Variants in AK6 observed in about 807,000 individuals in gnomAD.
AK6 encodes adenylate kinase isoenzyme 6.
Under a neutral mutation model 23.7 loss-of-function variants are expected in AK6, and 24 were observed. The observed-to-expected ratio is 1.01, with a 90% CI of 0.73 to 1.43. The LOEUF (loss-of-function observed/expected upper bound fraction) is 1.43, where lower values mean the gene tolerates loss of function less well. Among genes scored for constraint, AK6 ranks in the 40% most tolerant of loss-of-function variants. The pLI is 0.00. For missense variants in AK6, 191 were observed against 199.1 expected (o/e 0.96, Z 0.24); for synonymous variants, 73 against 69.8 (o/e 1.05, Z -0.23).
At chr5:69,361,206 T>G (rs1172780744) in intron 2 of AK6, among the ~76,000 whole-genome samples, 2 of 151,998 alleles carry the variant, frequency 1.3e-5, no homozygotes. Context: ...CAGGCTAGAG[T>G]GCAGTGGCGC....
At position 69,351,715 on chromosome 5, in the gene AK6, G is replaced by T. The variant is rs1321443423; in HGVS notation, c.*346C>A. 1 of 175,434 alleles carries T rather than the reference G, an allele frequency of 5.7e-6. No homozygotes were observed. Among genetic ancestry groups the T allele is most frequent in the African/African-American group, 2.4e-5 (1 of 42,496 alleles). 10.9% of individuals were successfully genotyped at this position (175,434 alleles called of 1,614,324 possible). A position where few individuals can be genotyped will look rare whatever the true frequency, so the allele number is the denominator to read the frequency against. On this transcript the variant is annotated 3_prime_UTR_variant, in exon 5 of 5. Transcript: ENST00000380822. Reference sequence around the variant, plus strand: ...TTTTCTAATTTAAAGAAAGAAAAAAGGAATACTCTGTTGCTTTATCTTTAG... The same window carrying T: ...TTTTCTAATTTAAAGAAAGAAAAAATGAATACTCTGTTGCTTTATCTTTAG...
rs764749571 is a variant in AK6, at chr5:69,352,072, G to C, written c.508C>G (p.His170Asp). 3 of 1,608,738 alleles carry C rather than the reference G, an allele frequency of 1.9e-6. No individual in the cohort carries two copies. Among genetic ancestry groups the C allele is most frequent in the Non-Finnish European group, 2.5e-6 (3 of 1,178,404 alleles). Residue 170 changes from histidine to aspartate, a missense_variant, in exon 5 of 5, where the codon CAT becomes GAT. Coordinates refer to ENST00000380822, the MANE Select transcript of AK6 (RefSeq NM_016283.5). The part of the protein sequence containing the change: ...LKWIEQWIKD[H>D]NS ...GCTAGCCTTATAAGTCAAGAGTTATGATCTTTGATCCACTGCTCAATCCAT... is the reference window on the plus strand; with the variant it reads ...GCTAGCCTTATAAGTCAAGAGTTATCATCTTTGATCCACTGCTCAATCCAT...
chr5:69,365,288 A>G (rs1762372426), intron 2 of AK6: 2 of 1,614,072 alleles, frequency 1.2e-6, no homozygotes, highest in Non-Finnish European at 1.7e-6. Flanking sequence ...TAACTGAACC[A>G]ACACTTAACC....
chr5:69,363,700 C>T (rs915141683), intron 2 of AK6, among the ~76,000 whole-genome samples: 2 of 151,786 alleles, frequency 1.3e-5, no homozygotes, highest in Admixed American at 1.3e-4. Context: ...AGGACAATGG[C>T]GTGAACCTGG....
chr5:69,355,461 G>A (rs1762056952), intron 4 of AK6, 188 bp downstream of exon 4: 1 of 544,674 alleles, frequency 1.8e-6, no homozygotes. Context: ...AACCAGGGAG[G>A]TGGAGGTTGC....
intron 1 of AK6, 154 bp downstream of exon 1, chr5:69,369,309 A>G: frequency 1.8e-5 from 8 of 453,060 alleles, no homozygotes; most frequent in Non-Finnish European, 2.5e-5. Flanking sequence ...AACGCCCGCG[A>G]GGGTCGGCTC....
At chr5:69,365,752 A>G (rs973984328) in intron 2 of AK6, 10 of 1,517,992 alleles carry the variant, frequency 6.6e-6, no homozygotes, top group African/African-American at 5.6e-5. Context: ...TCCGATGATC[A>G]GACTTTAGAT....
chr5:69,357,221 G>A, intron 2 of AK6, among the ~76,000 whole-genome samples: 1 of 152,174 alleles, frequency 6.6e-6, no homozygotes, highest in East Asian at 1.9e-4. Flanking sequence ...TGCCTGGAGG[G>A]TCTGTGGACT....
At position 69,350,990 on chromosome 5, in the gene AK6, A is replaced by G. The variant is rs1234928616; in HGVS notation, c.*1071T>C. The stretch of plus-strand genomic sequence containing the variant: ...CTGGACACAAAAGGCCACATACTGT[A>G]TAATCCCATTTATATGAAATATCCA... On this transcript the variant is annotated 3_prime_UTR_variant, in exon 5 of 5. Transcript: ENST00000380822. 6.6e-6 allele frequency: 1 copy of G among 152,268 alleles called. No individual in the cohort carries two copies. The highest frequency in any genetic ancestry group is 1.5e-5 in the Non-Finnish European group (1 of 68,056). 9.4% of individuals were successfully genotyped at this position (152,268 alleles called of 1,614,324 possible).
chr5:69,365,189 T>C (rs1358519986), intron 2 of AK6: 5 of 1,614,116 alleles, frequency 3.1e-6, no homozygotes, highest in Non-Finnish European at 4.2e-6. Context: ...ACCTTTGACC[T>C]GTGAGGGACA....
intron 2 of AK6, chr5:69,365,492 A>T (rs747916665): frequency 6.8e-6 from 11 of 1,614,178 alleles, no homozygotes; most frequent in Non-Finnish European, 8.5e-6. Flanking sequence ...GAGAGGTAAA[A>T]GACTGATCAG....
At chr5:69,363,580 C>T (rs4252239) in intron 2 of AK6, among the ~76,000 whole-genome samples, 159 of 151,918 alleles carry the variant, frequency 1.0e-3, no homozygotes, top group African/African-American at 3.7e-3. Context: ...GTCAGGAGAT[C>T]GAGACCAACC....
chr5:69,366,120 A>G (rs936379449), intron 2 of AK6, among the ~76,000 whole-genome samples: 4 of 152,208 alleles, frequency 2.6e-5, no homozygotes, highest in Admixed American at 6.5e-5. Flanking sequence ...CCCACACCTG[A>G]GCTCAAAACA....
intron 1 of AK6, 25 bp from the exon 2 acceptor site, chr5:69,366,620 ACT>A (rs1407679997): frequency 1.3e-6 from 2 of 1,540,124 alleles, no homozygotes; most frequent in Admixed American, 1.7e-5. Flanking sequence ...ACAGAAAAAT[ACT>A]GTTTGTGAAA....
At position 69,369,077 on chromosome 5, in the gene AK6, G is replaced by A. The variant is rs75664701; in HGVS notation, c.28+386C>T. 1,499 of 303,784 alleles carry A rather than the reference G, an allele frequency of 4.9e-3. 18 individuals are homozygous for A. Among genetic ancestry groups the A allele is most frequent in the African/African-American group, 0.031 (1,396 of 45,492 alleles). The allele number at this position is 303,784 out of a possible 1,614,324, so 18.8% of individuals were successfully genotyped here. A position where few individuals can be genotyped will look rare whatever the true frequency, so the allele number is the denominator to read the frequency against. Reference sequence around the variant, plus strand: ...CATCCACCATTAATGACTCTACCGGGAAGCAGATATGGCCTTACGTTATTT... The same window carrying A: ...CATCCACCATTAATGACTCTACCGGAAAGCAGATATGGCCTTACGTTATTT... On this transcript the variant is annotated intron_variant, in intron 1 of 4. Coordinates refer to ENST00000380822, the MANE Select transcript of AK6 (RefSeq NM_016283.5).
intron 3 of AK6, 49 bp from the exon 4 acceptor site, chr5:69,355,843 A>G (rs764222605): frequency 2.6e-5 from 42 of 1,596,500 alleles, no homozygotes; most frequent in Non-Finnish European, 3.6e-5. Context: ...ACTGAAGTCA[A>G]CTTTCCTATG....
intron 1 of AK6, among the ~76,000 whole-genome samples, chr5:69,368,640 A>T (rs569194581): frequency 6.6e-6 from 1 of 152,192 alleles, no homozygotes; most frequent in Non-Finnish European, 1.5e-5. Flanking sequence ...TGGGTGAATG[A>T]TGTAACTTTA....
At chr5:69,369,775 C>T, upstream of AK6, 1 of 1,449,702 alleles carries the variant, frequency 6.9e-7, no homozygotes, top group South Asian at 1.2e-5. Context: ...GTGGTCCCCG[C>T]CCTTCGCTTG....
chr5:69,369,794 A>T, upstream of AK6: 1 of 1,332,792 alleles, frequency 7.5e-7, no homozygotes, highest in Non-Finnish European at 1.0e-6. Flanking sequence ...TGCGCCGACC[A>T]GTCTGGAAGG....
Sources: gnomAD v4.1 joint callset for allele counts (sites outside exome capture counted in the v4.1 genomes callset) on GRCh38, gnomAD v4.1.1 for gene constraint, MANE v1.5 for transcripts, NCBI Gene and HGNC (gene_info 2026-07-23, HGNC 2026-07-21) for gene names.